The following PCDH11X variants were observed in gnomAD, a reference collection of about 807,000 sequenced individuals.
PCDH11X encodes the protein protocadherin 11 X-linked.
Under a neutral mutation model 53.3 loss-of-function variants are expected in PCDH11X, and 18 were observed. The observed-to-expected ratio is 0.34, with a 90% CI of 0.23 to 0.50. The LOEUF is 0.50. PCDH11X is among the 20% of genes least tolerant of loss of function. The pLI, the probability that PCDH11X is intolerant of heterozygous loss-of-function variation, is 0.98. For missense variants in PCDH11X, 570 were observed against 1,032.4 expected, an observed-to-expected ratio of 0.55 and a Z score of 6.14; for synonymous variants, 279 against 393.3, an observed-to-expected ratio of 0.71 and a Z score of 3.44.
intron 5 of PCDH11X, among the ~76,000 whole-genome samples, chrX:91,839,411 C>T (rs4023980): frequency 2.9e-5 from 3 of 102,399 alleles, no homozygotes; most frequent in South Asian, 4.6e-4. Flanking sequence ...GTTAGGAGTT[C>T]GAGACCAGCC....
At chrX:91,922,148 A>G (rs1008273577) in intron 6 of PCDH11X, among the ~76,000 whole-genome samples, 9 of 111,830 alleles carry the variant, frequency 8.0e-5, no homozygotes, top group African/African-American at 2.9e-4. Context: ...GACATTTTGG[A>G]TGGTTTTAAA....
Position 91,876,047 on chromosome X carries a change from T to C in PCDH11X, c.541-734T>C, listed in dbSNP as rs1477234171. Among the ~76,000 whole-genome samples the C allele has an allele frequency of 3.6e-5, 4 of 112,022 alleles. No individual in the cohort carries two copies. The East Asian group carries it at 8.3e-4, about 23-fold the overall frequency. Reference sequence around the variant, plus strand: ...TGGATAATTCGCTTACAGCTTCATTTATCTTGCAAAAATTTAGTGACAATT... The same window carrying C: ...TGGATAATTCGCTTACAGCTTCATTCATCTTGCAAAAATTTAGTGACAATT... On this transcript the variant is annotated intron_variant, in intron 5 of 10. Coordinates refer to ENST00000682573, the MANE Select transcript of PCDH11X (RefSeq NM_032968.5).
chrX:91,831,998 G>A (rs928115742), intron 4 of PCDH11X, among the ~76,000 whole-genome samples: 4 of 110,126 alleles, frequency 3.6e-5, no homozygotes, highest in East Asian at 2.9e-4. Flanking sequence ...TTTCTTCCCC[G>A]TTTTTAAAAC....
chrX:92,482,718 A>G (rs888978353), intron 10 of PCDH11X, among the ~76,000 whole-genome samples: 1 of 108,553 alleles, frequency 9.2e-6, no homozygotes, highest in African/African-American at 3.3e-5. Context: ...AAATGAATAG[A>G]TGTATGTATA....
chrX:92,276,921 G>A (rs2068107629), intron 8 of PCDH11X, among the ~76,000 whole-genome samples: 1 of 111,409 alleles, frequency 9.0e-6, no homozygotes. Flanking sequence ...AAAGAGAAAG[G>A]AGCATTAACC....
chrX:92,449,586 A>G (rs1331270277), intron 9 of PCDH11X, among the ~76,000 whole-genome samples: 1 of 112,007 alleles, frequency 8.9e-6, no homozygotes, highest in African/African-American at 3.2e-5. Flanking sequence ...GATTATTTGC[A>G]CAAATTTCAC....
chrX:92,347,877 T>C (rs1322042753), intron 8 of PCDH11X, among the ~76,000 whole-genome samples: 1 of 111,977 alleles, frequency 8.9e-6, no homozygotes, highest in Admixed American at 9.5e-5. Context: ...GTAGCATAAT[T>C]TTGCAATTTA....
At chrX:92,339,976 G>A (rs1398513579) in intron 8 of PCDH11X, among the ~76,000 whole-genome samples, 2 of 111,272 alleles carry the variant, frequency 1.8e-5, no homozygotes, top group Non-Finnish European at 3.8e-5. Context: ...CTGTGATCCT[G>A]TAAAATCAAG....
intron 6 of PCDH11X, among the ~76,000 whole-genome samples, chrX:92,194,669 GT>G (rs200483803): frequency 0.053 from 5,238 of 98,574 alleles, 116 homozygotes; most frequent in African/African-American, 0.089. Flanking sequence ...TAAATATTAT[GT>G]TTTTTTTTTT....
rs182262839 is a variant in PCDH11X at position 92,301,565 on chromosome X, C to T, written c.3144+38422C>T. On this transcript the variant is annotated intron_variant, in intron 8 of 10. Transcript: ENST00000682573. ...CATGGGGTCTCCTGCTACCAGGATTCCAGATGTCCGTGGCGAAAGTGAATC... is the reference window on the plus strand; with the variant it reads ...CATGGGGTCTCCTGCTACCAGGATTTCAGATGTCCGTGGCGAAAGTGAATC... 6.5e-3 allele frequency among the ~76,000 whole-genome samples: 722 copies of T among 110,928 alleles called. 7 individuals carry two copies. Among genetic ancestry groups the T allele is most frequent in the African/African-American group, 0.023 (685 of 30,344 alleles).
intron 6 of PCDH11X, among the ~76,000 whole-genome samples, chrX:92,136,906 A>C (rs889284967): frequency 9.5e-6 from 1 of 105,507 alleles, no homozygotes; most frequent in African/African-American, 3.5e-5. Context: ...TTTCCCTAAA[A>C]ATTTTTACCT....
intron 9 of PCDH11X, among the ~76,000 whole-genome samples, chrX:92,445,192 CTTT>C (rs778466088): frequency 3.6e-4 from 6 of 16,526 alleles, no homozygotes; most frequent in African/African-American, 1.1e-3. Context: ...TGGTCCAGGG[CTTT>C]TTTTTTTTTT....
intron 6 of PCDH11X, among the ~76,000 whole-genome samples, chrX:91,963,564 C>A (rs1179184913): frequency 9.0e-6 from 1 of 111,467 alleles, no homozygotes; most frequent in African/African-American, 3.3e-5. Flanking sequence ...CAAACTTTCC[C>A]ACCTCTTTCT....
At chrX:92,456,779 C>T (rs912746231) in intron 9 of PCDH11X, among the ~76,000 whole-genome samples, 2 of 111,104 alleles carry the variant, frequency 1.8e-5, no homozygotes, top group African/African-American at 6.5e-5. Context: ...GCTTCCTCTT[C>T]ATGTTTGTGG....
At chrX:92,093,160 T>C (rs768511538) in intron 6 of PCDH11X, among the ~76,000 whole-genome samples, 8 of 111,456 alleles carry the variant, frequency 7.2e-5, no homozygotes, top group East Asian at 2.8e-4. Flanking sequence ...TTTCATTATG[T>C]ATTACCCAGT....
At chrX:92,329,775 T>A (rs1211656055) in intron 8 of PCDH11X, among the ~76,000 whole-genome samples, 1 of 111,232 alleles carries the variant, frequency 9.0e-6, no homozygotes, top group Non-Finnish European at 1.9e-5. Context: ...GCTAAAAATT[T>A]AAAACAATTG....
intron 6 of PCDH11X, among the ~76,000 whole-genome samples, chrX:91,969,441 T>A (rs1047852157): frequency 1.8e-5 from 2 of 108,430 alleles, no homozygotes; most frequent in African/African-American, 6.8e-5. Flanking sequence ...TAGCATCACA[T>A]TAGTAAAATT....
intron 5 of PCDH11X, among the ~76,000 whole-genome samples, chrX:91,874,134 T>G (rs1939470053): frequency 9.0e-6 from 1 of 111,134 alleles, no homozygotes; most frequent in East Asian, 2.8e-4. Flanking sequence ...ATTTAGAAAC[T>G]ATTTTTTCTA....
intron 8 of PCDH11X, among the ~76,000 whole-genome samples, chrX:92,368,179 G>A (rs1396203534): frequency 9.5e-6 from 1 of 104,841 alleles, no homozygotes; most frequent in African/African-American, 3.5e-5. Context: ...TTTCTTAGAG[G>A]CTTTGTTTGT....
Sources: allele counts gnomAD v4.1 joint callset (sites outside exome capture counted in the v4.1 genomes callset), GRCh38; gene constraint gnomAD v4.1.1; transcripts MANE v1.5; gene names NCBI Gene and HGNC (gene_info 2026-07-23, HGNC 2026-07-21).